The following LANCL3 variants were observed in gnomAD, a reference collection of about 807,000 sequenced individuals.
LANCL3 encodes the protein lanC-like protein 3.
In LANCL3, 19 loss-of-function variants were observed where a neutral mutation model predicts 26.5. The ratio of observed to expected loss-of-function variants is 0.72; its 90% confidence interval spans 0.50 to 1.05. LANCL3 has a LOEUF of 1.05. LANCL3 is among the 50% of genes least tolerant of loss of function. The probability of loss-of-function intolerance (pLI) is 0.00; values close to 1 mark genes in which losing one functional copy is unlikely to be tolerated. For missense variants in LANCL3, 318 were observed against 362.7 expected (o/e 0.88, Z 1.00); for synonymous variants, 160 against 166.6 (o/e 0.96, Z 0.30).
At chrX:37,633,966 T>C (rs1472605757) in intron 1 of LANCL3, among the ~76,000 whole-genome samples, 1 of 112,411 alleles carries the variant, frequency 8.9e-6, no homozygotes, top group Non-Finnish European at 1.9e-5. Flanking sequence ...TTCAAAGCTG[T>C]CAGACAGGGA....
At chrX:37,592,218 A>G (rs1287026086) in intron 1 of LANCL3, among the ~76,000 whole-genome samples, 1 of 112,183 alleles carries the variant, frequency 8.9e-6, no homozygotes, top group Admixed American at 9.5e-5. Flanking sequence ...TACATTCACA[A>G]AAAAAGAACC....
At chrX:37,664,357 A>G (rs1310041811) in intron 3 of LANCL3, among the ~76,000 whole-genome samples, 2 of 111,480 alleles carry the variant, frequency 1.8e-5, no homozygotes, top group Non-Finnish European at 3.8e-5. Flanking sequence ...GAAAAACACC[A>G]TGAAGATAGA....
rs567199116 is a variant in LANCL3, at chrX:37,612,288, T to A, written c.573+39845T>A. Among the ~76,000 whole-genome samples the A allele has an allele frequency of 2.3e-4, 26 of 111,854 alleles. No individual in the cohort carries two copies. The South Asian group carries it at 9.1e-3, about 39-fold the overall frequency. ...TAGTTCATATCCTACACATAGTGAA[T>A]CATAATCTATGAGAATGGAACCTGG... On this transcript the variant is annotated intron_variant, in intron 1 of 4. Transcript: ENST00000378619.
At chrX:37,584,472 A>G (rs1556417536) in intron 1 of LANCL3, among the ~76,000 whole-genome samples, 2 of 110,460 alleles carry the variant, frequency 1.8e-5, no homozygotes, top group African/African-American at 6.6e-5. Flanking sequence ...TTGGTAAGCT[A>G]TTAATTATTG....
At chrX:37,626,596 A>AT (rs781959141) in intron 1 of LANCL3, among the ~76,000 whole-genome samples, 1 of 112,091 alleles carries the variant, frequency 8.9e-6, no homozygotes, top group East Asian at 2.8e-4. Context: ...GAACACTGAT[A>AT]TTTTAAGACT....
chrX:37,580,340 C>T (rs1923863165), intron 1 of LANCL3, among the ~76,000 whole-genome samples: 1 of 112,052 alleles, frequency 8.9e-6, no homozygotes, highest in South Asian at 3.7e-4. Flanking sequence ...TTTCCACACA[C>T]TGTTGTAAGT....
At chrX:37,599,938 C>T (rs1373661155) in intron 1 of LANCL3, among the ~76,000 whole-genome samples, 1 of 111,874 alleles carries the variant, frequency 8.9e-6, no homozygotes, top group African/African-American at 3.3e-5. Flanking sequence ...ACCAGGCAGC[C>T]TGCCAGACTT....
At chrX:37,637,203 G>T (rs1925731879) in intron 1 of LANCL3, among the ~76,000 whole-genome samples, 1 of 111,938 alleles carries the variant, frequency 8.9e-6, no homozygotes, top group African/African-American at 3.3e-5. Context: ...CATCATCTGT[G>T]TTCAGACATG....
chrX:37,595,833 C>T (rs1334041620), intron 1 of LANCL3, among the ~76,000 whole-genome samples: 2 of 112,130 alleles, frequency 1.8e-5, no homozygotes, highest in Non-Finnish European at 3.8e-5. Context: ...ACTAGCTATG[C>T]ACTTTACAGC....
At chrX:37,625,513 A>C (rs1556422889) in intron 1 of LANCL3, among the ~76,000 whole-genome samples, 3 of 111,326 alleles carry the variant, frequency 2.7e-5, no homozygotes, top group African/African-American at 9.8e-5. Flanking sequence ...TGATAAAGAT[A>C]ATGGATTTTG....
intron 1 of LANCL3, among the ~76,000 whole-genome samples, chrX:37,653,189 C>T (rs1339928364): frequency 1.8e-5 from 2 of 110,675 alleles, no homozygotes; most frequent in Non-Finnish European, 3.8e-5. Flanking sequence ...CTATTCTAAG[C>T]TGTGGATTCG....
chrX:37,602,103 A>T lies in LANCL3; in HGVS notation c.573+29660A>T, dbSNP rs1924589838. On this transcript the variant is annotated intron_variant, in intron 1 of 4. Transcript: ENST00000378619. ...GGGAGTTTTGGTAGAGAGAAGAAGC[A>T]AAGGTCAAACAGTATTTTGACATCC... 3.6e-5 allele frequency among the ~76,000 whole-genome samples: 4 copies of T among 111,794 alleles called. No homozygotes were observed. The Admixed American group carries it at 3.8e-4, about 11-fold the overall frequency.
chrX:37,675,846 A>G lies in LANCL3; in HGVS notation c.*33A>G. The G allele has an allele frequency of 9.3e-7, 1 of 1,074,038 alleles. No homozygotes were observed. Among genetic ancestry groups the G allele is most frequent in the Non-Finnish European group, 1.2e-6 (1 of 821,275 alleles). The allele number at this position is 1,074,038 out of a possible 1,213,427, so 88.5% of individuals were successfully genotyped here. ...TATCTTCCACTGTGGCCCTGCAGAG[A>G]TCCCCTGAGCCAAGCCGAGGCAGTT... On this transcript the variant is annotated 3_prime_UTR_variant, in exon 5 of 5. Transcript: ENST00000378619.
chrX:37,626,402 G>A (rs1183319440), intron 1 of LANCL3, among the ~76,000 whole-genome samples: 2 of 112,294 alleles, frequency 1.8e-5, no homozygotes, highest in African/African-American at 6.5e-5. Flanking sequence ...GAGTTGATGA[G>A]TGAATGAGGT....
chrX:37,636,440 AG>A (rs1454302136), intron 1 of LANCL3, among the ~76,000 whole-genome samples: 2 of 112,536 alleles, frequency 1.8e-5, no homozygotes, highest in Non-Finnish European at 3.8e-5. Context: ...GCCATGTATA[AG>A]CATTCCCCTT....
chrX:37,609,498 G>A (rs1461205841), intron 1 of LANCL3, among the ~76,000 whole-genome samples: 1 of 111,733 alleles, frequency 8.9e-6, no homozygotes, highest in African/African-American at 3.3e-5. Flanking sequence ...AGTAAAGAAA[G>A]AGCTGCTTTT....
chrX:37,648,453 A>G (rs1926041561), intron 1 of LANCL3, among the ~76,000 whole-genome samples: 1 of 112,130 alleles, frequency 8.9e-6, no homozygotes. Flanking sequence ...CTTATACAAA[A>G]ATTAACTCAA....
At chrX:37,602,211 G>T (rs1431160491) in intron 1 of LANCL3, among the ~76,000 whole-genome samples, 2 of 111,761 alleles carry the variant, frequency 1.8e-5, no homozygotes, top group Non-Finnish European at 3.8e-5. Context: ...CAAAAGGAAA[G>T]GCAAACAGAC....
chrX:37,637,799 C>T (rs1262786566), intron 1 of LANCL3, among the ~76,000 whole-genome samples: 1 of 110,788 alleles, frequency 9.0e-6, no homozygotes, highest in Non-Finnish European at 1.9e-5. Flanking sequence ...CTGCCTAGCT[C>T]AGAATAACCC....
Sources: allele counts gnomAD v4.1 joint callset (sites outside exome capture counted in the v4.1 genomes callset), GRCh38; gene constraint gnomAD v4.1.1; transcripts MANE v1.5; gene names NCBI Gene and HGNC (gene_info 2026-07-23, HGNC 2026-07-21).